Variants in LRRFIP1 observed in about 807,000 individuals in gnomAD.
LRRFIP1 encodes the protein LRR binding FLII interacting protein 1.
A neutral mutation model predicts 104.4 loss-of-function variants in LRRFIP1; 62 were observed. That is an observed-to-expected ratio of 0.59 (90% CI 0.48 to 0.73). The LOEUF (loss-of-function observed/expected upper bound fraction) is 0.73, where lower values mean the gene tolerates loss of function less well. Ranked by LOEUF, LRRFIP1 falls within the 30% of genes least tolerant of loss-of-function variation. The probability of loss-of-function intolerance (pLI) is 0.00; values close to 1 mark genes in which losing one functional copy is unlikely to be tolerated. For missense variants in LRRFIP1, 796 were observed against 824.5 expected (o/e 0.97, Z 0.42); for synonymous variants, 300 against 299.0 (o/e 1.00, Z -0.03).
rs766489375 is a variant in LRRFIP1, at chr2:237,708,598, C to T, written c.151C>T (p.Arg51Cys). 52 of 1,601,268 alleles carry T rather than the reference C, an allele frequency of 3.2e-5. No homozygotes were observed. The highest frequency in any genetic ancestry group is 4.4e-5 in the Non-Finnish European group (52 of 1,172,078). ...GGCCCGCGCGGAGGCTCGCGAGATC[C>T]GCATGAAGGAGCTGGAGCGGCAGCA... ...RAARAEAREIRMKELERQQKE... is the reference protein window; with the variant it reads ...RAARAEAREICMKELERQQKE... The change falls in exon 2 of 24, where the codon CGC (arginine) becomes TGC (cysteine). Residue 51 changes from arginine to cysteine, a missense_variant. Coordinates refer to ENST00000308482, the MANE Select transcript of LRRFIP1 (RefSeq NM_001137550.2).
At chr2:237,698,012 G>A (rs1190949516) in intron 1 of LRRFIP1, among the ~76,000 whole-genome samples, 1 of 152,240 alleles carries the variant, frequency 6.6e-6, no homozygotes, top group Non-Finnish European at 1.5e-5. Context: ...AGTGGGAGTA[G>A]CTGCTAAGCC....
intron 1 of LRRFIP1, among the ~76,000 whole-genome samples, chr2:237,668,024 C>T (rs1027237116): frequency 1.3e-5 from 2 of 152,120 alleles, no homozygotes; most frequent in Non-Finnish European, 2.9e-5. Context: ...TTTTGAACTC[C>T]ACCTGACAAC....
chr2:237,663,475 A>G (rs1575252820), intron 1 of LRRFIP1, among the ~76,000 whole-genome samples: 1 of 151,944 alleles, frequency 6.6e-6, no homozygotes, highest in African/African-American at 2.4e-5. Flanking sequence ...GGGGGCCCTC[A>G]CCCCTTCTAT....
intron 1 of LRRFIP1, among the ~76,000 whole-genome samples, chr2:237,665,783 A>G (rs6758509): frequency 0.88 from 134,574 of 152,294 alleles, 59,556 homozygotes; most frequent in Middle Eastern, 0.93. Context: ...AAACATGGGC[A>G]TCCCTTACTG....
intron 1 of LRRFIP1, among the ~76,000 whole-genome samples, chr2:237,675,674 G>T (rs2091050876): frequency 6.6e-6 from 1 of 152,096 alleles, no homozygotes; most frequent in Non-Finnish European, 1.5e-5. Context: ...CCCTTTAAAA[G>T]TAGTACCTGC....
chr2:237,696,399 C>G (rs568508628), intron 1 of LRRFIP1, among the ~76,000 whole-genome samples: 1 of 152,112 alleles, frequency 6.6e-6, no homozygotes, highest in Non-Finnish European at 1.5e-5. Flanking sequence ...AGGTGGGTGC[C>G]TTAGCATGCT....
chr2:237,660,438 G>C (rs74001223), intron 1 of LRRFIP1, among the ~76,000 whole-genome samples: 17,330 of 150,968 alleles, frequency 0.11, 1,122 homozygotes, highest in East Asian at 0.19. Flanking sequence ...ACAGAGTACA[G>C]CTGGCCAGTG....
intron 1 of LRRFIP1, among the ~76,000 whole-genome samples, chr2:237,674,242 G>A (rs2090800110): frequency 6.6e-6 from 1 of 152,188 alleles, no homozygotes; most frequent in African/African-American, 2.4e-5. Flanking sequence ...CATCTAGGTC[G>A]TGGTCAAAGT....
At chr2:237,719,705 T>C (rs1289581789) in intron 5 of LRRFIP1, 138 bp downstream of exon 5, 1 of 572,544 alleles carries the variant, frequency 1.7e-6, no homozygotes, top group Non-Finnish European at 3.0e-6. Flanking sequence ...ATACTATTAA[T>C]GATAGAATAC....
intron 1 of LRRFIP1, among the ~76,000 whole-genome samples, chr2:237,684,743 G>C (rs139194647): frequency 1.3e-5 from 2 of 152,120 alleles, no homozygotes; most frequent in East Asian, 3.9e-4. Context: ...TTTAGCTGTC[G>C]TGTTTTTAGA....
Position 237,676,243 on chromosome 2 carries a change from G to A in LRRFIP1, c.97-32301G>A, listed in dbSNP as rs72981072. Among the ~76,000 whole-genome samples the A allele has an allele frequency of 6.5e-3, 983 of 152,216 alleles. 2 individuals are homozygous for A. Among genetic ancestry groups the A allele is most frequent in the South Asian group, 0.011 (53 of 4,808 alleles). Reference sequence around the variant, plus strand: ...ACGTAAATTTTTACTACTGAGCTTCGCTTTTCCAATAAAAGTTCAAGGTAC... The same window carrying A: ...ACGTAAATTTTTACTACTGAGCTTCACTTTTCCAATAAAAGTTCAAGGTAC... On this transcript the variant is annotated intron_variant, in intron 1 of 23. Transcript: ENST00000308482.
Position 237,694,525 on chromosome 2 carries a change from A to T in LRRFIP1, c.97-14019A>T, listed in dbSNP as rs2093034946. ...CTGCCCTGGGCCATGGGCTGGGTAT[A>T]GGCACAGGAAAGTGGTTGTGGGTGT... On this transcript the variant is annotated intron_variant, in intron 1 of 23. Transcript: ENST00000308482. 2.0e-5 allele frequency among the ~76,000 whole-genome samples: 3 copies of T among 152,178 alleles called. No homozygotes were observed. In the South Asian group the frequency reaches 6.2e-4, roughly 31 times the overall value.
intron 9 of LRRFIP1, among the ~76,000 whole-genome samples, chr2:237,734,385 A>G (rs962367664): frequency 4.8e-5 from 7 of 144,360 alleles, no homozygotes; most frequent in African/African-American, 1.9e-4. Context: ...GGTTCAAGTG[A>G]GTCTCCTGCC....
chr2:237,717,325 C>CA lies in LRRFIP1; in HGVS notation c.202-436dup, dbSNP rs2094374351. The stretch of plus-strand genomic sequence containing the variant: ...CACGCAGTTTCTCCCCTTCTCCTCT[C>CA]AGTTTCCCTGAGGTCCCAACACCGG... On this transcript the variant is annotated intron_variant, in intron 3 of 23. Transcript: ENST00000308482. This position sits in a 1 kb window ranked among gnomAD's most constrained non-coding sequence, Gnocchi z 4.2. Among the ~76,000 whole-genome samples, 1 of 152,244 alleles carries CA rather than the reference C, an allele frequency of 6.6e-6. No individual in the cohort carries two copies. The highest frequency in any genetic ancestry group is 2.4e-5 in the African/African-American group (1 of 41,466).
At chr2:237,712,170 G>A (rs913571970) in intron 2 of LRRFIP1, among the ~76,000 whole-genome samples, 3 of 152,162 alleles carry the variant, frequency 2.0e-5, no homozygotes, top group Non-Finnish European at 4.4e-5. Context: ...AGGAAAACAG[G>A]CCTTAGGGAG....
intron 14 of LRRFIP1, among the ~76,000 whole-genome samples, chr2:237,751,824 A>T (rs1452326490): frequency 6.6e-6 from 1 of 152,190 alleles, no homozygotes; most frequent in Non-Finnish European, 1.5e-5. Context: ...GTGTGCAGTG[A>T]CTTCATTGCA....
In LRRFIP1 at chr2:237,719,139, G is replaced by A. The variant is rs148154907; in HGVS notation, c.250-384G>A. On this transcript the variant is annotated intron_variant, in intron 4 of 23. Coordinates refer to ENST00000308482, the MANE Select transcript of LRRFIP1 (RefSeq NM_001137550.2). ...TAGTAGAAAGAGTGACATCCTTTTC[G>A]GATATTGTGTGGAAATGATTTATCT... Among the ~76,000 whole-genome samples the A allele has an allele frequency of 6.4e-3, 968 of 152,198 alleles. 7 individuals carry two copies. The highest frequency in any genetic ancestry group is 0.022 in the African/African-American group (932 of 41,526).
intron 1 of LRRFIP1, among the ~76,000 whole-genome samples, chr2:237,629,858 G>T (rs377045799): frequency 5.3e-4 from 81 of 152,290 alleles, no homozygotes; most frequent in Admixed American, 2.8e-3. Context: ...CCCTCCCACC[G>T]AGGGAGATGC....
chr2:237,692,079 G>GTGGGGCGAGTCA (rs1229422539), intron 1 of LRRFIP1: 2 of 576,726 alleles, frequency 3.5e-6, no homozygotes, highest in Non-Finnish European at 4.3e-6. Flanking sequence ...GGCGGGGGCG[G>GTGGGGCGAGTCA]TGGGGCGAGT....
Sources: allele counts gnomAD v4.1 joint callset (sites outside exome capture counted in the v4.1 genomes callset), GRCh38; gene constraint gnomAD v4.1.1; non-coding constraint Gnocchi (gnomAD v3.1); transcripts MANE v1.5; gene names NCBI Gene and HGNC (gene_info 2026-07-23, HGNC 2026-07-21).